The following SLC5A3 variants were observed in gnomAD, a reference collection of about 807,000 sequenced individuals.
SLC5A3 encodes the protein solute carrier family 5 member 3.
In SLC5A3, 10 loss-of-function variants were observed where a neutral mutation model predicts 43.2. That is an observed-to-expected ratio of 0.23 (90% CI 0.14 to 0.39). The LOEUF is 0.39. SLC5A3 is among the 10% of genes least tolerant of loss of function. The probability of loss-of-function intolerance (pLI) is 1.00; values close to 1 mark genes in which losing one functional copy is unlikely to be tolerated. For synonymous variants in SLC5A3, 349 were observed against 322.0 expected, an observed-to-expected ratio of 1.08 and a Z score of -0.90; for missense variants, 608 against 893.4, an observed-to-expected ratio of 0.68 and a Z score of 4.07.
Position 34,100,151 on chromosome 21 carries a change from AT to A in SLC5A3, c.*2797del, listed in dbSNP as rs1243093342. ...TTGACTAGAATAGCTAAAAGTCAAA[AT>A]GAGGTGAGGACACTGGTCTTGGAAG... On this transcript the variant is annotated 3_prime_UTR_variant, in exon 2 of 2. Transcript: ENST00000381151. 2.0e-6 allele frequency: 2 copies of A among 999,848 alleles called. No individual in the cohort carries two copies. Among genetic ancestry groups the A allele is most frequent in the Non-Finnish European group, 2.4e-6 (2 of 829,682 alleles). 61.9% of individuals were successfully genotyped at this position (999,848 alleles called of 1,614,324 possible). A position where few individuals can be genotyped will look rare whatever the true frequency, so the allele number is the denominator to read the frequency against.
intron 1 of SLC5A3, among the ~76,000 whole-genome samples, chr21:34,080,105 G>A (rs1422975558): frequency 2.6e-5 from 4 of 152,132 alleles, no homozygotes; most frequent in African/African-American, 9.7e-5. Context: ...ACTACTGAGG[G>A]GAGGATAGCT....
chr21:34,096,662 C>T lies in SLC5A3; in HGVS notation c.1464C>T (p.Ala488=). ...FVLGAVRLIL[A]FAYRAPECDQ... The stretch of plus-strand genomic sequence containing the variant: ...TTGGAGCAGTCCGTTTGATACTGGC[C>T]TTTGCCTACCGTGCCCCAGAATGTG... The change falls in exon 2 of 2, where the codon GCC becomes GCT. Residue 488 remains alanine (A), a synonymous_variant. Coordinates refer to ENST00000381151, the MANE Select transcript of SLC5A3 (RefSeq NM_006933.7). This position sits in a 1 kb window ranked among gnomAD's most constrained non-coding sequence, Gnocchi z 5.9. 1.2e-6 allele frequency: 2 copies of T among 1,614,146 alleles called. No individual in the cohort carries two copies. The highest frequency in any genetic ancestry group is 1.3e-5 in the African/African-American group (1 of 75,042).
Position 34,102,715 on chromosome 21 carries a change from CAA to C in SLC5A3, c.*5363_*5364del. 1.0e-6 allele frequency: 1 copy of C among 1,000,118 alleles called. No individual in the cohort carries two copies. Among genetic ancestry groups the C allele is most frequent in the Non-Finnish European group, 1.2e-6 (1 of 829,876 alleles). 62.0% of individuals were successfully genotyped at this position (1,000,118 alleles called of 1,614,324 possible). A position where few individuals can be genotyped will look rare whatever the true frequency, so the allele number is the denominator to read the frequency against. Reference sequence around the variant, plus strand: ...CAGCTGAAGAGCGAGCAAATCAAGACAAAACACAGTGGTCTCAGATTTTTCGT... The same window carrying C: ...CAGCTGAAGAGCGAGCAAATCAAGACAACACAGTGGTCTCAGATTTTTCGT... On this transcript the variant is annotated 3_prime_UTR_variant, in exon 2 of 2. Coordinates refer to ENST00000381151, the MANE Select transcript of SLC5A3 (RefSeq NM_006933.7).
intron 1 of SLC5A3, among the ~76,000 whole-genome samples, chr21:34,085,780 T>C (rs999509730): frequency 6.6e-6 from 1 of 152,020 alleles, no homozygotes; most frequent in Admixed American, 6.6e-5. Flanking sequence ...TTTTTTGTAG[T>C]TTTAGTAGAG....
chr21:34,095,399 G>T lies in SLC5A3; in HGVS notation c.201G>T (p.Gly67=). ...VSNIGSEHFI[G]LAGSGAASGF... ...ATATTGGGAGTGAGCACTTCATTGG[G>T]CTGGCAGGATCTGGAGCTGCAAGTG... The change falls in exon 2 of 2, where the codon GGG becomes GGT. Residue 67 remains glycine (G), a synonymous_variant. Transcript: ENST00000381151. 6.2e-7 allele frequency: 1 copy of T among 1,614,124 alleles called. No homozygotes were observed. The highest frequency in any genetic ancestry group is 8.5e-7 in the Non-Finnish European group (1 of 1,180,006).
intron 1 of SLC5A3, among the ~76,000 whole-genome samples, chr21:34,076,285 T>G (rs1347467587): frequency 1.3e-5 from 2 of 152,210 alleles, no homozygotes; most frequent in African/African-American, 4.8e-5. Flanking sequence ...CATTACTTTT[T>G]TTTTGACCCT....
At chr21:34,086,781 ACTT>A (rs1436713785) in intron 1 of SLC5A3, among the ~76,000 whole-genome samples, 2 of 150,838 alleles carry the variant, frequency 1.3e-5, no homozygotes, top group Non-Finnish European at 2.9e-5. Context: ...TACTAAGGTA[ACTT>A]CTTTAGTTTT....
At chr21:34,080,180 G>C (rs1341389501) in intron 1 of SLC5A3, among the ~76,000 whole-genome samples, 1 of 152,104 alleles carries the variant, frequency 6.6e-6, no homozygotes, top group Non-Finnish European at 1.5e-5. Flanking sequence ...CACCTAAATA[G>C]GTGCACTTAT....
intron 1 of SLC5A3, among the ~76,000 whole-genome samples, chr21:34,081,284 G>T (rs1169895585): frequency 6.6e-6 from 1 of 152,060 alleles, no homozygotes; most frequent in Non-Finnish European, 1.5e-5. Flanking sequence ...GGGAACTCCA[G>T]GTCATCGATT....
In SLC5A3 at chr21:34,101,862, T is replaced by C. The variant is rs187628584; in HGVS notation, c.*4507T>C. On this transcript the variant is annotated 3_prime_UTR_variant, in exon 2 of 2. Transcript: ENST00000381151. ...GCACTGTTTTATTCTCAAAACTCCT[T>C]TTTCAAAAATTAGGGAGAGAGCAGT... The C allele has an allele frequency of 1.0e-5, 10 of 1,000,194 alleles. No homozygotes were observed. In the Admixed American group the frequency reaches 3.1e-4, roughly 31 times the overall value. 62.0% of individuals were successfully genotyped at this position (1,000,194 alleles called of 1,614,324 possible).
At position 34,099,018 on chromosome 21, in the gene SLC5A3, A is replaced by C. The variant is rs1310590426; in HGVS notation, c.*1663A>C. The C allele has an allele frequency of 1.0e-6, 1 of 990,828 alleles. No homozygotes were observed. The highest frequency in any genetic ancestry group is 1.1e-4 in the East Asian group (1 of 8,776). 61.4% of individuals were successfully genotyped at this position (990,828 alleles called of 1,614,324 possible). A position where few individuals can be genotyped will look rare whatever the true frequency, so the allele number is the denominator to read the frequency against. On this transcript the variant is annotated 3_prime_UTR_variant, in exon 2 of 2. Coordinates refer to ENST00000381151, the MANE Select transcript of SLC5A3 (RefSeq NM_006933.7). ...TCTTTTTAATTTTTTTGTAGTCTAT[A>C]AACTAGTTTCATTATGATGGACTTG... is the stretch of plus-strand genomic sequence containing the variant.
rs1602932189 is a variant in SLC5A3 at position 34,097,871 on chromosome 21, C to T, written c.*516C>T. 3 of 996,248 alleles carry T rather than the reference C, an allele frequency of 3.0e-6. No homozygotes were observed. The Admixed American group carries it at 1.8e-4, about 61-fold the overall frequency. 61.7% of individuals were successfully genotyped at this position (996,248 alleles called of 1,614,324 possible). The stretch of plus-strand genomic sequence containing the variant: ...ACTTGTTTCAGGACAAGTTCATTTG[C>T]CAGGTTCATTTTGTTAGCATGAGCC... On this transcript the variant is annotated 3_prime_UTR_variant, in exon 2 of 2. Transcript: ENST00000381151.
chr21:34,102,772 C>T lies in SLC5A3; in HGVS notation c.*5417C>T, dbSNP rs1338772396. The T allele has an allele frequency of 1.0e-6, 1 of 999,898 alleles. No homozygotes were observed. Among genetic ancestry groups the T allele is most frequent in the Non-Finnish European group, 1.2e-6 (1 of 829,840 alleles). The allele number at this position is 999,898 out of a possible 1,614,324, so 61.9% of individuals were successfully genotyped here. A position where few individuals can be genotyped will look rare whatever the true frequency, so the allele number is the denominator to read the frequency against. ...TGGGAACAGTGGTTTTGCTCTATAC[C>T]ACTGAAAAGCACTATAACATAATTG... On this transcript the variant is annotated 3_prime_UTR_variant, in exon 2 of 2. Coordinates refer to ENST00000381151, the MANE Select transcript of SLC5A3 (RefSeq NM_006933.7).
chr21:34,076,165 A>G (rs1989325816), intron 1 of SLC5A3, among the ~76,000 whole-genome samples: 1 of 152,184 alleles, frequency 6.6e-6, no homozygotes, highest in African/African-American at 2.4e-5. Flanking sequence ...AAGAAACTAT[A>G]GTTTTCCAGC....
chr21:34,100,702 C>A lies in SLC5A3; in HGVS notation c.*3347C>A. 1 of 1,000,198 alleles carries A rather than the reference C, an allele frequency of 1.0e-6. No individual in the cohort carries two copies. The highest frequency in any genetic ancestry group is 1.2e-6 in the Non-Finnish European group (1 of 829,974). 62.0% of individuals were successfully genotyped at this position (1,000,198 alleles called of 1,614,324 possible). ...TGTTATGCACTTCTGTAACTTGAGG[C>A]TAAGCAAGGGGTTAACTCTTGTGAG... is the stretch of plus-strand genomic sequence containing the variant. On this transcript the variant is annotated 3_prime_UTR_variant, in exon 2 of 2. Coordinates refer to ENST00000381151, the MANE Select transcript of SLC5A3 (RefSeq NM_006933.7).
intron 1 of SLC5A3, among the ~76,000 whole-genome samples, chr21:34,074,235 C>T (rs1460708353): frequency 6.6e-6 from 1 of 151,466 alleles, no homozygotes; most frequent in Non-Finnish European, 1.5e-5. Context: ...TAGCGCCCGC[C>T]GGCCGCCCGG....
chr21:34,104,094 A>G lies in SLC5A3; in HGVS notation c.*6739A>G. ...TACTTGTCTTTGATTTTTTTTGTGT[A>G]CGTTTGTATGTGAGAGATGAAGTTA... is the stretch of plus-strand genomic sequence containing the variant. On this transcript the variant is annotated 3_prime_UTR_variant, in exon 2 of 2. Coordinates refer to ENST00000381151, the MANE Select transcript of SLC5A3 (RefSeq NM_006933.7). 1 of 999,928 alleles carries G rather than the reference A, an allele frequency of 1.0e-6. No homozygotes were observed. Among genetic ancestry groups the G allele is most frequent in the South Asian group, 4.7e-5 (1 of 21,278 alleles). The allele number at this position is 999,928 out of a possible 1,614,324, so 61.9% of individuals were successfully genotyped here. A position where few individuals can be genotyped will look rare whatever the true frequency, so the allele number is the denominator to read the frequency against.
intron 1 of SLC5A3, among the ~76,000 whole-genome samples, chr21:34,081,001 T>A (rs1333595467): frequency 6.6e-6 from 1 of 152,170 alleles, no homozygotes; most frequent in Non-Finnish European, 1.5e-5. Flanking sequence ...TGTGAGCTGA[T>A]GAAATGAGTG....
At chr21:34,082,564 T>TAA (rs1458378796) in intron 1 of SLC5A3, among the ~76,000 whole-genome samples, 1 of 152,202 alleles carries the variant, frequency 6.6e-6, no homozygotes, top group African/African-American at 2.4e-5. Context: ...TCTGTGGAAT[T>TAA]AAAAATAGTT....
Sources: gnomAD v4.1 joint callset for allele counts (sites outside exome capture counted in the v4.1 genomes callset) on GRCh38, gnomAD v4.1.1 for gene constraint, Gnocchi (gnomAD v3.1) non-coding constraint, MANE v1.5 for transcripts, NCBI Gene and HGNC (gene_info 2026-07-23, HGNC 2026-07-21) for gene names.